LINGO2: variants seen among roughly 807,000 people sequenced by gnomAD.
The protein encoded by LINGO2 is leucine rich repeat and Ig domain containing 2.
In LINGO2, 14 loss-of-function variants were observed where a neutral mutation model predicts 30.6. The observed-to-expected ratio is 0.46, with a 90% CI of 0.30 to 0.72. The LOEUF is 0.72. Among genes scored for constraint, LINGO2 ranks in the 30% least tolerant of loss-of-function variants. The probability of loss-of-function intolerance (pLI) is 0.07; values close to 1 mark genes in which losing one functional copy is unlikely to be tolerated. For missense variants in LINGO2, 729 were observed against 751.7 expected (o/e 0.97, Z 0.35); for synonymous variants, 317 against 288.5 (o/e 1.10, Z -1.00).
At chr9:28,453,038 A>G (rs1824709750) in intron 2 of LINGO2, among the ~76,000 whole-genome samples, 1 of 151,978 alleles carries the variant, frequency 6.6e-6, no homozygotes, top group South Asian at 2.1e-4. Context: ...TGACTCTGAT[A>G]TAAATAAAGA....
In LINGO2 at chr9:28,242,819, C is replaced by T. The variant is rs765116706; in HGVS notation, c.-87+52389G>A. Among the ~76,000 whole-genome samples, 70 of 152,262 alleles carry T rather than the reference C, an allele frequency of 4.6e-4. 1 individual carries two copies. Among genetic ancestry groups the T allele is most frequent in the Non-Finnish European group, 8.2e-4 (56 of 68,020 alleles). On this transcript the variant is annotated intron_variant, in intron 4 of 5. Transcript: ENST00000379992. ...CCAGAAGAGAGTAGGGGCCAATATT[C>T]GACATTCTTAAAGAAAAGAATTTTC... is the stretch of plus-strand genomic sequence containing the variant.
At chr9:28,471,157 T>A (rs1415674789) in intron 2 of LINGO2, among the ~76,000 whole-genome samples, 1 of 152,124 alleles carries the variant, frequency 6.6e-6, no homozygotes, top group East Asian at 1.9e-4. Flanking sequence ...TAGTTAATTT[T>A]CTGTTGCTAA....
intron 4 of LINGO2, among the ~76,000 whole-genome samples, chr9:28,053,506 C>T (rs1219038763): frequency 6.6e-6 from 1 of 152,056 alleles, no homozygotes; most frequent in Non-Finnish European, 1.5e-5. Context: ...GAATCTGAAG[C>T]CTTAATTGAT....
chr9:28,038,838 T>G (rs1824067890), intron 4 of LINGO2, among the ~76,000 whole-genome samples: 1 of 152,234 alleles, frequency 6.6e-6, no homozygotes, highest in Non-Finnish European at 1.5e-5. Context: ...CTGAAGAATA[T>G]TCGCAAACCA....
intron 4 of LINGO2, among the ~76,000 whole-genome samples, chr9:28,206,582 C>T (rs1820417696): frequency 6.6e-6 from 1 of 152,058 alleles, no homozygotes; most frequent in Non-Finnish European, 1.5e-5. Context: ...TGGTTTTCTG[C>T]AATCTTGAAC....
chr9:28,690,680 C>T, the LINGO2 span, among the ~76,000 whole-genome samples: 1 of 152,078 alleles, frequency 6.6e-6, no homozygotes, highest in South Asian at 2.1e-4. Context: ...TACTTATTCT[C>T]CTCTTTCTAT....
rs1263053233 is a variant in LINGO2 at position 28,148,801 on chromosome 9, G to A, written c.-86-136396C>T. On this transcript the variant is annotated intron_variant, in intron 4 of 5. Transcript: ENST00000379992. This position sits in a 1 kb window ranked among gnomAD's most constrained non-coding sequence, Gnocchi z 5.1. ...CCCCAGTTCCAGGCTGCTCCCTGTG[G>A]CCAGAGAAGGCGGCCTTGAAGGTGC... The A allele has an allele frequency of 2.6e-6, 4 of 1,533,978 alleles. 1 individual carries two copies.
the LINGO2 span, among the ~76,000 whole-genome samples, chr9:28,965,437 C>T: frequency 6.6e-6 from 1 of 151,940 alleles, no homozygotes; most frequent in East Asian, 1.9e-4. Flanking sequence ...AACATTCATT[C>T]CCGTTTCCTA....
At chr9:28,220,191 T>C (rs927614922) in intron 4 of LINGO2, among the ~76,000 whole-genome samples, 1 of 152,140 alleles carries the variant, frequency 6.6e-6, no homozygotes, top group African/African-American at 2.4e-5. Context: ...AGTCTGGGAT[T>C]TTCGTATCTC....
At chr9:28,838,529 G>A in the LINGO2 span, among the ~76,000 whole-genome samples, 3 of 152,160 alleles carry the variant, frequency 2.0e-5, no homozygotes, top group Admixed American at 6.5e-5. Flanking sequence ...TTTAACAACT[G>A]TTGGTTTACA....
chr9:28,397,079 A>G (rs1046975484), intron 2 of LINGO2, among the ~76,000 whole-genome samples: 1 of 152,000 alleles, frequency 6.6e-6, no homozygotes, highest in Non-Finnish European at 1.5e-5. Context: ...TCTTCTCAGG[A>G]ATGTTTGTCA....
At chr9:28,881,473 T>C in the LINGO2 span, among the ~76,000 whole-genome samples, 420 of 152,266 alleles carry the variant, frequency 2.8e-3, 4 homozygotes, top group African/African-American at 9.6e-3. Context: ...AAACAAATAC[T>C]TTCCTAAGAA....
intron 4 of LINGO2, among the ~76,000 whole-genome samples, chr9:28,222,575 T>C (rs986525555): frequency 6.6e-6 from 1 of 152,130 alleles, no homozygotes; most frequent in Non-Finnish European, 1.5e-5. Context: ...CTGAGTCACA[T>C]TTCGAATCTA....
chr9:27,964,857 A>T (rs1820020366), intron 5 of LINGO2, among the ~76,000 whole-genome samples: 2 of 152,152 alleles, frequency 1.3e-5, no homozygotes, highest in Middle Eastern at 6.8e-3. Flanking sequence ...GTCTCTAGGA[A>T]TATCTTATTT....
chr9:29,019,644 C>T, the LINGO2 span, among the ~76,000 whole-genome samples: 1 of 152,180 alleles, frequency 6.6e-6, no homozygotes, highest in East Asian at 1.9e-4. Flanking sequence ...TCATTCTCAT[C>T]CCTGTCACTA....
intron 1 of LINGO2, among the ~76,000 whole-genome samples, chr9:28,502,511 T>C (rs1246024401): frequency 2.6e-5 from 4 of 152,154 alleles, no homozygotes; most frequent in African/African-American, 4.8e-5. Context: ...TGCCCCAAAA[T>C]GAAAATTTAT....
chr9:28,492,852 A>AC (rs1480288385), intron 1 of LINGO2, among the ~76,000 whole-genome samples: 2 of 142,884 alleles, frequency 1.4e-5, no homozygotes, highest in East Asian at 2.4e-4. Flanking sequence ...AACAACAACA[A>AC]AAAAACGGTG....
chr9:28,568,963 A>G (rs1281636126), intron 1 of LINGO2, among the ~76,000 whole-genome samples: 1 of 151,992 alleles, frequency 6.6e-6, no homozygotes, highest in Non-Finnish European at 1.5e-5. Context: ...CACTCCCAAT[A>G]AAAAGTGGGC....
intron 4 of LINGO2, among the ~76,000 whole-genome samples, chr9:28,036,667 T>C (rs971181985): frequency 1.3e-5 from 2 of 152,120 alleles, no homozygotes; most frequent in East Asian, 3.9e-4. Flanking sequence ...CTAACCTGAG[T>C]TGACTCATAA....
Sources: allele counts gnomAD v4.1 joint callset (sites outside exome capture counted in the v4.1 genomes callset), GRCh38; gene constraint gnomAD v4.1.1; non-coding constraint Gnocchi (gnomAD v3.1); transcripts MANE v1.5; gene names NCBI Gene and HGNC (gene_info 2026-07-23, HGNC 2026-07-21).